Variants in OPCML observed in about 807,000 individuals in gnomAD.
OPCML encodes the protein opioid-binding protein/cell adhesion molecule.
A neutral mutation model predicts 37.8 loss-of-function variants in OPCML; 13 were observed. The ratio of observed to expected loss-of-function variants is 0.34; its 90% confidence interval spans 0.22 to 0.55. The LOEUF is 0.55. Ranked by LOEUF, OPCML falls within the 20% of genes least tolerant of loss-of-function variation. OPCML has a pLI of 0.91. For synonymous variants in OPCML, 176 were observed against 168.8 expected (o/e 1.04, Z -0.33); for missense variants, 341 against 435.6 (o/e 0.78, Z 1.93).
intron 1 of OPCML, among the ~76,000 whole-genome samples, chr11:133,159,019 A>G (rs1332180268): frequency 6.6e-6 from 1 of 152,174 alleles, no homozygotes; most frequent in Non-Finnish European, 1.5e-5. Flanking sequence ...GATGAGTGAA[A>G]TCACTCTCCA....
At chr11:132,521,754 A>C (rs1565633971) in intron 4 of OPCML, among the ~76,000 whole-genome samples, 1 of 152,198 alleles carries the variant, frequency 6.6e-6, no homozygotes, top group Admixed American at 6.5e-5. Context: ...TGCACATTCC[A>C]GAACTTAAAG....
chr11:133,009,816 T>C (rs779010890), intron 1 of OPCML, among the ~76,000 whole-genome samples: 2 of 152,174 alleles, frequency 1.3e-5, no homozygotes, highest in Non-Finnish European at 2.9e-5. Flanking sequence ...TGCTGGCCAC[T>C]CACCTTCTGC....
chr11:132,521,742 C>G (rs926453458), intron 4 of OPCML, among the ~76,000 whole-genome samples: 6 of 151,894 alleles, frequency 4.0e-5, no homozygotes, highest in Non-Finnish European at 5.9e-5. Context: ...ACCTGCACAT[C>G]CTGCACATTC....
intron 2 of OPCML, among the ~76,000 whole-genome samples, chr11:132,689,230 GT>G (rs1201035602): frequency 1.3e-5 from 2 of 152,172 alleles, no homozygotes; most frequent in African/African-American, 4.8e-5. Flanking sequence ...CAATTAGATT[GT>G]TACATTGGGA....
rs547079025 is a variant in OPCML at position 132,743,041 on chromosome 11, A to G, written c.147-85722T>C. Reference sequence around the variant, plus strand: ...CTTCTCAAATTCTTACGTATTCCCAAGATCAATGGAGTCATCTATGTGACT... The same window carrying G: ...CTTCTCAAATTCTTACGTATTCCCAGGATCAATGGAGTCATCTATGTGACT... On this transcript the variant is annotated intron_variant, in intron 2 of 7. Transcript: ENST00000524381. Among the ~76,000 whole-genome samples the G allele has an allele frequency of 3.3e-5, 5 of 152,170 alleles. 1 individual carries two copies. Among genetic ancestry groups the G allele is most frequent in the African/African-American group, 1.2e-4 (5 of 41,536 alleles).
intron 1 of OPCML, among the ~76,000 whole-genome samples, chr11:133,111,087 T>C (rs987862013): frequency 6.6e-6 from 1 of 152,184 alleles, no homozygotes; most frequent in Non-Finnish European, 1.5e-5. Context: ...GGGTCAAAGT[T>C]AGCAACATTA....
intron 1 of OPCML, among the ~76,000 whole-genome samples, chr11:133,093,851 G>A (rs529700509): frequency 1.1e-4 from 17 of 152,124 alleles, no homozygotes; most frequent in Non-Finnish European, 2.2e-4. Flanking sequence ...TGTCATCTCT[G>A]CATTCACATC....
At chr11:132,482,820 A>G (rs2096185639) in intron 4 of OPCML, among the ~76,000 whole-genome samples, 1 of 149,482 alleles carries the variant, frequency 6.7e-6, no homozygotes, top group South Asian at 2.1e-4. Flanking sequence ...GACAAAAACC[A>G]CATGATTATC....
chr11:133,461,803 C>G (rs1946865838), intron 1 of OPCML, among the ~76,000 whole-genome samples: 1 of 151,722 alleles, frequency 6.6e-6, no homozygotes. Flanking sequence ...TATGAAAACT[C>G]AAGAAACCCC....
chr11:133,376,734 T>C (rs1224403774), intron 1 of OPCML, among the ~76,000 whole-genome samples: 1 of 152,202 alleles, frequency 6.6e-6, no homozygotes, highest in Non-Finnish European at 1.5e-5. Flanking sequence ...ACAGAGTAAT[T>C]TGGGAATAGT....
At chr11:132,634,628 C>A (rs1174211850) in intron 3 of OPCML, among the ~76,000 whole-genome samples, 3 of 151,998 alleles carry the variant, frequency 2.0e-5, no homozygotes, top group Admixed American at 1.3e-4. Flanking sequence ...GGGGTGTCCT[C>A]GCAGGAAGAG....
intron 1 of OPCML, chr11:133,004,197 A>T (rs1947063702): frequency 3.0e-6 from 3 of 985,472 alleles, no homozygotes; most frequent in Non-Finnish European, 3.6e-6. Flanking sequence ...GGCCTCCTCC[A>T]TCTGCCTTGC....
chr11:133,121,838 C>T (rs928510643), intron 1 of OPCML, among the ~76,000 whole-genome samples: 2 of 152,150 alleles, frequency 1.3e-5, no homozygotes, highest in African/African-American at 2.4e-5. Context: ...GATTACAAAA[C>T]GTCTTCTATT....
At chr11:133,191,506 T>TGG (rs1555111890) in intron 1 of OPCML, among the ~76,000 whole-genome samples, 2 of 132,896 alleles carry the variant, frequency 1.5e-5, no homozygotes, top group African/African-American at 6.9e-5. Flanking sequence ...TGTGTGTGGG[T>TGG]GTGTGTGTGT....
At chr11:133,196,089 G>A (rs1450004287) in intron 1 of OPCML, among the ~76,000 whole-genome samples, 1 of 152,182 alleles carries the variant, frequency 6.6e-6, no homozygotes, top group African/African-American at 2.4e-5. Context: ...GTATACACCT[G>A]TGTCTTAGCA....
At chr11:133,155,386 T>A (rs1488026126) in intron 1 of OPCML, among the ~76,000 whole-genome samples, 1 of 152,148 alleles carries the variant, frequency 6.6e-6, no homozygotes, top group Admixed American at 6.5e-5. Flanking sequence ...TTTCAAAAGA[T>A]CATTTTTCAC....
chr11:132,918,223 G>T (rs1944670635), intron 2 of OPCML, among the ~76,000 whole-genome samples: 1 of 151,992 alleles, frequency 6.6e-6, no homozygotes, highest in Admixed American at 6.5e-5. Flanking sequence ...TATGTTTATT[G>T]AGGAATAACA....
intron 1 of OPCML, among the ~76,000 whole-genome samples, chr11:133,049,510 A>G (rs911719318): frequency 2.0e-5 from 3 of 152,242 alleles, no homozygotes; most frequent in South Asian, 2.1e-4. Flanking sequence ...ATGAGGAAGA[A>G]TAATACCCAT....
intron 1 of OPCML, among the ~76,000 whole-genome samples, chr11:133,526,628 C>T (rs1948496722): frequency 2.0e-5 from 3 of 152,192 alleles, no homozygotes; most frequent in Admixed American, 1.3e-4. Context: ...ATACCACCAT[C>T]TTGGGGTATC....
Sources: allele counts gnomAD v4.1 joint callset (sites outside exome capture counted in the v4.1 genomes callset), GRCh38; gene constraint gnomAD v4.1.1; transcripts MANE v1.5; gene names NCBI Gene and HGNC (gene_info 2026-07-23, HGNC 2026-07-21).